The following CYFIP1 variants were observed in gnomAD, a reference collection of about 807,000 sequenced individuals.
CYFIP1 encodes the protein cytoplasmic FMR1-interacting protein 1.
CYFIP1 carries 58 observed loss-of-function variants against 163.5 expected under a neutral mutation model. The observed-to-expected ratio is 0.35, with a 90% confidence interval of 0.29 to 0.44. The LOEUF (loss-of-function observed/expected upper bound fraction) is 0.44. CYFIP1 is among the 20% of genes least tolerant of loss of function. The pLI, the probability that CYFIP1 is intolerant of heterozygous loss-of-function variation, is 1.00. For missense variants in CYFIP1, 1,338 were observed against 1,653.8 expected (o/e 0.81, Z 3.31); for synonymous variants, 663 against 660.7 (o/e 1.00, Z -0.05).
intron 8 of CYFIP1, among the ~76,000 whole-genome samples, chr15:22,938,328 G>T (rs2061780363): frequency 6.6e-6 from 1 of 152,326 alleles, no homozygotes; most frequent in East Asian, 1.9e-4. Context: ...AGCTGGCGGG[G>T]CATGGTGGCT....
Position 22,912,198 on chromosome 15 carries a change from T to C in CYFIP1, c.2063A>G (p.Tyr688Cys). 6.2e-7 allele frequency: 1 copy of C among 1,614,110 alleles called. No individual in the cohort carries two copies. Among genetic ancestry groups the C allele is most frequent in the Non-Finnish European group, 8.5e-7 (1 of 1,179,950 alleles). ...ALTRFNKQFLYDEIEAEVNLC... is the reference protein window; with the variant it reads ...ALTRFNKQFLCDEIEAEVNLC... ...CCTCACCTCGGCCTCAATTTCGTCGTACAGGAACTGCTTGTTGAACCTGGT... is the reference window on the plus strand; with the variant it reads ...CCTCACCTCGGCCTCAATTTCGTCGCACAGGAACTGCTTGTTGAACCTGGT... Residue 688 changes from tyrosine (Y) to cysteine (C), a missense_variant, in exon 18 of 31, where the codon TAC becomes TGC. Tyr to Cys is a radical substitution (Grantham distance 194). Coordinates refer to ENST00000617928, the MANE Select transcript of CYFIP1 (RefSeq NM_014608.6).
intron 17 of CYFIP1, 24 bp downstream of exon 17, chr15:22,914,702 G>A (rs763039947): frequency 6.3e-7 from 1 of 1,592,862 alleles, no homozygotes; most frequent in Admixed American, 1.7e-5. Context: ...ACAAAGGCTG[G>A]AGACAGGCCC....
At chr15:22,886,440 CAAATA>C (rs531247422) in intron 23 of CYFIP1, among the ~76,000 whole-genome samples, 10 of 152,114 alleles carry the variant, frequency 6.6e-5, no homozygotes, top group Admixed American at 3.9e-4. Flanking sequence ...ATAATCAAAT[CAAATA>C]AATCACTTCT....
chr15:22,979,335 A>G (rs2140300138), intron 1 of CYFIP1, among the ~76,000 whole-genome samples: 1 of 152,252 alleles, frequency 6.6e-6, no homozygotes, highest in Admixed American at 6.5e-5. Flanking sequence ...AAGCATAGCA[A>G]TGTGCGCACT....
chr15:22,910,318 C>G (rs546989528), intron 20 of CYFIP1, among the ~76,000 whole-genome samples: 3 of 152,080 alleles, frequency 2.0e-5, no homozygotes, highest in African/African-American at 7.2e-5. Flanking sequence ...CCCACCAGCA[C>G]GCCCAGCTAA....
intron 1 of CYFIP1, among the ~76,000 whole-genome samples, chr15:22,977,517 T>G: frequency 6.6e-6 from 1 of 152,184 alleles, no homozygotes; most frequent in East Asian, 1.9e-4. Context: ...TTGGACATGT[T>G]AGTTAAAACT....
At position 22,944,978 on chromosome 15, in the gene CYFIP1, G is replaced by A. The variant is rs1280008024; in HGVS notation, c.208-39C>T. ...CAGGGCAAATCAAAGGCAGGCGGGG[G>A]AACTAGCATGAAAAGCAGATGCCAG... On this transcript the variant is annotated intron_variant, in intron 3 of 30. Transcript: ENST00000617928. 17 of 1,569,244 alleles carry A rather than the reference G, an allele frequency of 1.1e-5. No individual in the cohort carries two copies. In the Admixed American group the frequency reaches 2.8e-4, roughly 26 times the overall value.
intron 23 of CYFIP1, among the ~76,000 whole-genome samples, chr15:22,890,668 A>G (rs2060052936): frequency 6.6e-6 from 1 of 151,384 alleles, no homozygotes. Context: ...CGGAGGCCGC[A>G]CCTGCCAACA....
chr15:22,966,393 A>AAGT (rs34538257), intron 1 of CYFIP1, among the ~76,000 whole-genome samples: 1 of 143,972 alleles, frequency 6.9e-6, no homozygotes, highest in African/African-American at 2.6e-5. Flanking sequence ...AAAAAAAGAC[A>AAGT]AGATTAGGAC....
chr15:22,878,846 G>C (rs1174873122), intron 26 of CYFIP1, among the ~76,000 whole-genome samples: 11 of 152,106 alleles, frequency 7.2e-5, no homozygotes, highest in African/African-American at 2.4e-5. Context: ...TAGAAAAATA[G>C]GCAAAAGAGG....
At chr15:22,938,772 G>A (rs763366634) in intron 8 of CYFIP1, among the ~76,000 whole-genome samples, 26 of 151,476 alleles carry the variant, frequency 1.7e-4, no homozygotes, top group Non-Finnish European at 2.4e-4. Flanking sequence ...GCATGGTGGC[G>A]TGCACCTGTA....
intron 5 of CYFIP1, among the ~76,000 whole-genome samples, chr15:22,943,604 G>A (rs2061962682): frequency 6.6e-6 from 1 of 152,176 alleles, no homozygotes; most frequent in South Asian, 2.1e-4. Context: ...AAATCTTGCT[G>A]ATTATTCCAG....
At chr15:22,908,811 G>T (rs889579791) in intron 21 of CYFIP1, among the ~76,000 whole-genome samples, 4 of 152,222 alleles carry the variant, frequency 2.6e-5, no homozygotes, top group African/African-American at 9.6e-5. Flanking sequence ...TTACAGGCAT[G>T]AGCCACCGTG....
At chr15:22,881,546 C>T (rs1048669704) in intron 25 of CYFIP1, among the ~76,000 whole-genome samples, 1 of 151,958 alleles carries the variant, frequency 6.6e-6, no homozygotes, top group East Asian at 1.9e-4. Flanking sequence ...CCCTATAGGC[C>T]CAGCAGGGCA....
At chr15:22,962,481 C>T (rs1240248732) in intron 1 of CYFIP1, among the ~76,000 whole-genome samples, 1 of 151,950 alleles carries the variant, frequency 6.6e-6, no homozygotes, top group Non-Finnish European at 1.5e-5. Context: ...TCACCACCAC[C>T]TCCGCCTCCC....
In CYFIP1 at chr15:22,943,362, G is replaced by A. The variant is rs1316778841; in HGVS notation, c.388-8C>T. ...ACGCTCAATGGCATTTCTCTGTGCA[G>A]AGGAAGCAGGAGGGCAGAAAGCTGC... On this transcript the variant is annotated splice_region_variant and splice_polypyrimidine_tract_variant and intron_variant, in intron 5 of 30. Transcript: ENST00000617928. 1 of 1,612,620 alleles carries A rather than the reference G, an allele frequency of 6.2e-7. No individual in the cohort carries two copies. Among genetic ancestry groups the A allele is most frequent in the Admixed American group, 1.7e-5 (1 of 59,936 alleles).
chr15:22,943,809 T>C (rs2061969395), intron 5 of CYFIP1, among the ~76,000 whole-genome samples: 1 of 152,192 alleles, frequency 6.6e-6, no homozygotes, highest in South Asian at 2.1e-4. Context: ...GTTTCCAAAA[T>C]ACTTCTTTAA....
chr15:22,945,073 C>A, intron 3 of CYFIP1, 134 bp from the exon 4 acceptor site: 4 of 866,086 alleles, frequency 4.6e-6, no homozygotes, highest in South Asian at 3.0e-5. Flanking sequence ...GAGACGGCTG[C>A]CAGAAGCTAG....
Position 22,916,489 on chromosome 15 carries a change from T to C in CYFIP1, c.1816A>G (p.Ile606Val), listed in dbSNP as rs764367896. Residue 606 changes from isoleucine (I) to valine (V), a missense_variant, in exon 16 of 31, where the codon ATA (isoleucine) becomes GTA (valine). Physicochemically the swap from Ile to Val is conservative, Grantham distance 29. Coordinates refer to ENST00000617928, the MANE Select transcript of CYFIP1 (RefSeq NM_014608.6). ...HRESFFYTHL[I>V]NFSETLQQCC... ...CAGTATCTCTTACCACTGAAATTTA[T>C]CAAGTGAGTGTAGAAGAATGACTCT... 8.7e-6 allele frequency: 14 copies of C among 1,610,632 alleles called. No homozygotes were observed. The highest frequency in any genetic ancestry group is 1.2e-5 in the Non-Finnish European group (14 of 1,177,224).
Sources: allele counts gnomAD v4.1 joint callset (sites outside exome capture counted in the v4.1 genomes callset), GRCh38; gene constraint gnomAD v4.1.1; transcripts MANE v1.5; gene names NCBI Gene and HGNC (gene_info 2026-07-23, HGNC 2026-07-21).